The following RPH3AL variants were observed in gnomAD, a reference collection of about 807,000 sequenced individuals.
RPH3AL encodes the protein rab effector Noc2.
A neutral mutation model predicts 43.1 loss-of-function variants in RPH3AL; 38 were observed. The ratio of observed to expected loss-of-function variants is 0.88; its 90% CI spans 0.68 to 1.15. The LOEUF (loss-of-function observed/expected upper bound fraction) is 1.15. Ranked by LOEUF, RPH3AL falls within the 50% of genes most tolerant of loss-of-function variation. RPH3AL has a pLI of 0.00. For synonymous variants in RPH3AL, 189 were observed against 176.3 expected, an observed-to-expected ratio of 1.07 and a Z score of -0.57; for missense variants, 462 against 423.2, an observed-to-expected ratio of 1.09 and a Z score of -0.81.
intron 1 of RPH3AL, among the ~76,000 whole-genome samples, chr17:334,650 C>T (rs981907644): frequency 1.4e-5 from 2 of 137,990 alleles, no homozygotes; most frequent in Non-Finnish European, 1.5e-5. Context: ...CTTCTCCCCA[C>T]GCCTTCCCCC....
chr17:229,865 G>A (rs2041189926), intron 7 of RPH3AL, among the ~76,000 whole-genome samples: 1 of 152,204 alleles, frequency 6.6e-6, no homozygotes. Flanking sequence ...CAGAGGGCCT[G>A]TCCGCTTAGG....
rs1310433590 is a variant in RPH3AL, at chr17:323,360, G to A, written c.78-1945C>T. On this transcript the variant is annotated intron_variant, in intron 3 of 9. Coordinates refer to ENST00000331302, the MANE Select transcript of RPH3AL (RefSeq NM_006987.4). This position sits in a 1 kb window ranked among gnomAD's most constrained non-coding sequence, Gnocchi z 4.4. ...CCGGGGCAGCAGGGCAGGGCTGGAAGGGGGGCAAGGCCAGTAGAGTGGGCA... is the reference window on the plus strand; with the variant it reads ...CCGGGGCAGCAGGGCAGGGCTGGAAAGGGGGCAAGGCCAGTAGAGTGGGCA... 6.6e-6 allele frequency among the ~76,000 whole-genome samples: 1 copy of A among 152,154 alleles called. No individual in the cohort carries two copies.
At chr17:258,501 G>A (rs1315486120) in intron 6 of RPH3AL, among the ~76,000 whole-genome samples, 2 of 152,170 alleles carry the variant, frequency 1.3e-5, no homozygotes, top group Non-Finnish European at 2.9e-5. Flanking sequence ...CTGGTGGGGA[G>A]GAAAGCGCAG....
chr17:242,057 C>T (rs12949408), intron 7 of RPH3AL, among the ~76,000 whole-genome samples: 61,788 of 151,516 alleles, frequency 0.41, 13,077 homozygotes, highest in East Asian at 0.61. Context: ...GCGGAGGTTG[C>T]AGTGAGCAGA....
chr17:284,956 G>A (rs2042870575), intron 5 of RPH3AL, among the ~76,000 whole-genome samples: 2 of 152,142 alleles, frequency 1.3e-5, no homozygotes, highest in East Asian at 1.9e-4. Flanking sequence ...TGATAAGGAC[G>A]CCAATCCCAT....
In RPH3AL at chr17:289,655, C is replaced by T. The variant is rs750844105; in HGVS notation, c.352-7801G>A. Among the ~76,000 whole-genome samples, 4 of 152,200 alleles carry T rather than the reference C, an allele frequency of 2.6e-5. No homozygotes were observed. Among genetic ancestry groups the T allele is most frequent in the Non-Finnish European group, 5.9e-5 (4 of 68,028 alleles). On this transcript the variant is annotated intron_variant, in intron 5 of 9. Coordinates refer to ENST00000331302, the MANE Select transcript of RPH3AL (RefSeq NM_006987.4). The surrounding 1 kb of genome is among the most constrained non-coding windows in gnomAD (Gnocchi z 5.2). The stretch of plus-strand genomic sequence containing the variant: ...CCACCGCCTCACTTCATACGGCATT[C>T]GGGCCGGCCCTGCCTCCTGCTCTAC...
rs757970611 is a variant in RPH3AL, at chr17:215,795, G to A, written c.735C>T (p.Ser245=). 82 of 1,298,064 alleles carry A rather than the reference G, an allele frequency of 6.3e-5. 1 individual carries two copies. The South Asian group carries it at 8.7e-4, about 14-fold the overall frequency. The allele number at this position is 1,298,064 out of a possible 1,614,324, so 80.4% of individuals were successfully genotyped here. A position where few individuals can be genotyped will look rare whatever the true frequency, so the allele number is the denominator to read the frequency against. ...TGAACCCCATCCTGGGGGCCTCCAC[G>A]CTGCCACCTGTGGGAAATCACGTGT... ...GDKPWKESGG[S]VEAPRMGFTH... Residue 245 remains serine, a synonymous_variant, in exon 9 of 10, where the codon AGC becomes AGT. Coordinates refer to ENST00000331302, the MANE Select transcript of RPH3AL (RefSeq NM_006987.4). This position sits in a 1 kb window ranked among gnomAD's most constrained non-coding sequence, Gnocchi z 4.1.
chr17:224,808 T>C (rs920433034), intron 7 of RPH3AL, among the ~76,000 whole-genome samples: 2 of 152,256 alleles, frequency 1.3e-5, no homozygotes, highest in African/African-American at 4.8e-5. Flanking sequence ...GTTCATGTCC[T>C]TTGTAGGGAC....
chr17:229,201 G>A (rs1019801253), intron 7 of RPH3AL, among the ~76,000 whole-genome samples: 1 of 152,150 alleles, frequency 6.6e-6, no homozygotes, highest in Admixed American at 6.6e-5. Flanking sequence ...TCCCCACCCA[G>A]ATGCTGTCTG....
intron 2 of RPH3AL, among the ~76,000 whole-genome samples, chr17:330,261 C>G (rs983630240): frequency 2.0e-5 from 3 of 152,258 alleles, no homozygotes; most frequent in African/African-American, 7.2e-5. Context: ...AGACCTGACC[C>G]TCCCCAGTGA....
At chr17:216,195 G>C (rs1401307168) in intron 8 of RPH3AL, among the ~76,000 whole-genome samples, 1 of 125,992 alleles carries the variant, frequency 7.9e-6, no homozygotes, top group Non-Finnish European at 1.7e-5. Context: ...TGGCTGCCGG[G>C]CTCTGGCCTG....
rs145657138 is a variant in RPH3AL, at chr17:337,759, C to T, written c.-212-3825G>A. Among the ~76,000 whole-genome samples, 260 of 151,930 alleles carry T rather than the reference C, an allele frequency of 1.7e-3. 4 individuals are homozygous for T. In the East Asian group the frequency reaches 0.025, roughly 15 times the overall value. ...TGCCCAGCCGCTCAGTCTCGCTGCT[C>T]GAGGGCTGGGCAGGGGTTTTTTTTG... On this transcript the variant is annotated intron_variant, in intron 1 of 9. Transcript: ENST00000331302.
chr17:319,744 G>A (rs1463975266), intron 4 of RPH3AL, among the ~76,000 whole-genome samples, 195 bp from the exon 5 acceptor site: 1 of 150,192 alleles, frequency 6.7e-6, no homozygotes, highest in African/African-American at 2.5e-5. Flanking sequence ...TGATTCATCA[G>A]ACACTGGGAA....
intron 6 of RPH3AL, among the ~76,000 whole-genome samples, chr17:280,947 T>TA (rs1219991987): frequency 6.6e-6 from 1 of 152,120 alleles, no homozygotes; most frequent in African/African-American, 2.4e-5. Flanking sequence ...TAAAAAGTAA[T>TA]AAATCCTGAT....
intron 5 of RPH3AL, among the ~76,000 whole-genome samples, chr17:311,978 G>C (rs1368417889): frequency 6.6e-6 from 1 of 152,154 alleles, no homozygotes; most frequent in African/African-American, 2.4e-5. Flanking sequence ...GCAAGGGTGA[G>C]GCCCTAATCC....
At chr17:316,145 T>TC in intron 5 of RPH3AL, among the ~76,000 whole-genome samples, 1 of 114,404 alleles carries the variant, frequency 8.7e-6, no homozygotes, top group African/African-American at 3.3e-5. Flanking sequence ...GTCCCTGTGC[T>TC]CCACCTCCAT....
At position 264,223 on chromosome 17, in the gene RPH3AL, T is replaced by C. The variant is rs1287802796; in HGVS notation, c.439-16938A>G. On this transcript the variant is annotated intron_variant, in intron 6 of 9. Coordinates refer to ENST00000331302, the MANE Select transcript of RPH3AL (RefSeq NM_006987.4). This position sits in a 1 kb window ranked among gnomAD's most constrained non-coding sequence, Gnocchi z 4.8. ...ATGCCATCTGTCACTCAAACCCGAA[T>C]AGAACCACCCTACCTCAAAGTTCTG... Among the ~76,000 whole-genome samples, 1 of 152,172 alleles carries C rather than the reference T, an allele frequency of 6.6e-6. No homozygotes were observed. Among genetic ancestry groups the C allele is most frequent in the Non-Finnish European group, 1.5e-5 (1 of 68,034 alleles).
chr17:224,608 T>C (rs2041064790), intron 7 of RPH3AL, among the ~76,000 whole-genome samples: 1 of 152,202 alleles, frequency 6.6e-6, no homozygotes, highest in African/African-American at 2.4e-5. Context: ...AAATTGCACA[T>C]GCAAATGAGG....
intron 5 of RPH3AL, among the ~76,000 whole-genome samples, chr17:303,189 C>G (rs556144058): frequency 6.6e-6 from 1 of 152,102 alleles, no homozygotes; most frequent in African/African-American, 2.4e-5. Flanking sequence ...CCTGAGGAGT[C>G]TGAGGCAGCC....
Sources: gnomAD v4.1 joint callset for allele counts (sites outside exome capture counted in the v4.1 genomes callset) on GRCh38, gnomAD v4.1.1 for gene constraint, Gnocchi (gnomAD v3.1) non-coding constraint, MANE v1.5 for transcripts, NCBI Gene and HGNC (gene_info 2026-07-23, HGNC 2026-07-21) for gene names.